Variants in GABRB3 observed in about 807,000 individuals in gnomAD.
GABRB3 encodes gamma-aminobutyric acid type A receptor subunit beta3.
GABRB3 carries 14 observed loss-of-function variants against 52.1 expected under a neutral mutation model. The observed-to-expected ratio is 0.27, with a 90% confidence interval of 0.18 to 0.42. The LOEUF is 0.42. Ranked by LOEUF, GABRB3 falls within the 10% of genes least tolerant of loss-of-function variation. The pLI is 1.00. For missense variants in GABRB3, 307 were observed against 609.1 expected, an observed-to-expected ratio of 0.50 and a Z score of 5.22; for synonymous variants, 260 against 232.3, an observed-to-expected ratio of 1.12 and a Z score of -1.08.
At chr15:26,772,272 G>T in intron 3 of GABRB3, 130 bp downstream of exon 3, 1 of 751,632 alleles carries the variant, frequency 1.3e-6, no homozygotes, top group South Asian at 1.8e-5. Context: ...GCCTGGGAGC[G>T]CGGCTCCCTC....
At chr15:26,709,060 A>C (rs901929068) in intron 3 of GABRB3, among the ~76,000 whole-genome samples, 2 of 152,236 alleles carry the variant, frequency 1.3e-5, no homozygotes, top group Non-Finnish European at 2.9e-5. Flanking sequence ...CCATAAAGCA[A>C]CTTATTGAGG....
At chr15:26,724,981 G>A (rs781306231) in intron 3 of GABRB3, among the ~76,000 whole-genome samples, 3 of 152,114 alleles carry the variant, frequency 2.0e-5, no homozygotes, top group Non-Finnish European at 4.4e-5. Flanking sequence ...AGTTGACACA[G>A]CCCATGGAGC....
At chr15:26,564,034 C>G (rs1377660138) in intron 7 of GABRB3, among the ~76,000 whole-genome samples, 1 of 152,096 alleles carries the variant, frequency 6.6e-6, no homozygotes, top group Non-Finnish European at 1.5e-5. Flanking sequence ...AGTATCAGTA[C>G]TTTTGCAGAT....
At chr15:26,611,836 A>C (rs1892081890) in intron 4 of GABRB3, 1 of 152,340 alleles carries the variant, frequency 6.6e-6, no homozygotes, top group Admixed American at 6.5e-5. Flanking sequence ...AAAGTAAATA[A>C]GAAATATTGT....
At chr15:26,628,049 C>T (rs919305051) in intron 3 of GABRB3, among the ~76,000 whole-genome samples, 1 of 152,220 alleles carries the variant, frequency 6.6e-6, no homozygotes, top group Non-Finnish European at 1.5e-5. Flanking sequence ...GCAAAAAGAT[C>T]ATGACTCACT....
chr15:26,676,692 C>T (rs1888079445), intron 3 of GABRB3, among the ~76,000 whole-genome samples: 1 of 152,180 alleles, frequency 6.6e-6, no homozygotes, highest in Non-Finnish European at 1.5e-5. Flanking sequence ...GCTTAAACAT[C>T]TCCATCAGGC....
intron 3 of GABRB3, among the ~76,000 whole-genome samples, chr15:26,704,292 C>T (rs1173039845): frequency 2.0e-4 from 31 of 152,180 alleles, no homozygotes; most frequent in Non-Finnish European, 4.4e-5. Context: ...GAAGTAAGTC[C>T]TGAGGTCCCA....
chr15:26,623,052 T>C (rs1468484642), intron 3 of GABRB3, among the ~76,000 whole-genome samples: 1 of 152,064 alleles, frequency 6.6e-6, no homozygotes, highest in Non-Finnish European at 1.5e-5. Context: ...TAATAACCTG[T>C]GGGGGCCCTC....
At chr15:26,617,275 C>A (rs2140528669) in intron 4 of GABRB3, among the ~76,000 whole-genome samples, 1 of 151,828 alleles carries the variant, frequency 6.6e-6, no homozygotes, top group Non-Finnish European at 1.5e-5. Context: ...TCCAGCAGCC[C>A]ATCATCCGAA....
intron 4 of GABRB3, among the ~76,000 whole-genome samples, chr15:26,607,608 CA>C (rs1035202501): frequency 1.1e-4 from 16 of 151,116 alleles, no homozygotes; most frequent in African/African-American, 3.7e-4. Flanking sequence ...CAAAACAAAA[CA>C]AAACAGTTAA....
chr15:26,618,454 G>A (rs1369455002), intron 4 of GABRB3, among the ~76,000 whole-genome samples: 2 of 152,012 alleles, frequency 1.3e-5, no homozygotes, highest in African/African-American at 4.8e-5. Context: ...GGGAAAACTG[G>A]CTAGCCATAT....
intron 3 of GABRB3, among the ~76,000 whole-genome samples, chr15:26,623,537 TTTTG>T (rs71420013): frequency 0.36 from 54,666 of 151,650 alleles, 10,519 homozygotes; most frequent in Middle Eastern, 0.47. Flanking sequence ...CAACCATCTC[TTTTG>T]TTTGTTTGTT....
At chr15:26,614,518 G>C (rs1319384383) in intron 4 of GABRB3, 1 of 152,066 alleles carries the variant, frequency 6.6e-6, no homozygotes, top group Non-Finnish European at 1.5e-5. Context: ...AGTGTAAATT[G>C]GCATAATCCC....
At chr15:26,626,525 T>C (rs1422641291) in intron 3 of GABRB3, among the ~76,000 whole-genome samples, 2 of 152,174 alleles carry the variant, frequency 1.3e-5, no homozygotes, top group African/African-American at 4.8e-5. Context: ...GTTAGCCCAA[T>C]TGTGAATGCA....
intron 7 of GABRB3, among the ~76,000 whole-genome samples, chr15:26,564,106 C>G (rs900765803): frequency 2.0e-5 from 3 of 152,042 alleles, no homozygotes; most frequent in Admixed American, 6.6e-5. Context: ...ACGTTTTGAG[C>G]ACCTCCATGG....
intron 3 of GABRB3, among the ~76,000 whole-genome samples, chr15:26,735,158 T>C (rs923281569): frequency 3.3e-5 from 5 of 152,216 alleles, no homozygotes; most frequent in African/African-American, 1.2e-4. Context: ...TCATTCATCA[T>C]TAGGGGACTA....
intron 3 of GABRB3, among the ~76,000 whole-genome samples, chr15:26,636,357 T>A (rs1893060901): frequency 6.6e-6 from 1 of 152,156 alleles, no homozygotes; most frequent in African/African-American, 2.4e-5. Context: ...TAGCTTGTAA[T>A]TAGGGCAAAA....
rs982703499 is a variant in GABRB3, at chr15:26,717,161, C to T, written c.240+55241G>A. On this transcript the variant is annotated intron_variant, in intron 3 of 8. Coordinates refer to ENST00000311550, the MANE Select transcript of GABRB3 (RefSeq NM_000814.6). ...AGCTCTGAGGACCTCCACCCAATGA[C>T]AGCCCAGCTCTGGGGACCTCCACCC... 4.7e-5 allele frequency among the ~76,000 whole-genome samples: 7 copies of T among 150,432 alleles called. 1 individual carries two copies. Among genetic ancestry groups the T allele is most frequent in the Admixed American group, 2.6e-4 (4 of 15,154 alleles).
intron 4 of GABRB3, among the ~76,000 whole-genome samples, chr15:26,586,706 G>A (rs866570757): frequency 0.047 from 2,085 of 44,516 alleles, 48 homozygotes; most frequent in African/African-American, 0.093. Flanking sequence ...AAAAAAAAAA[G>A]AGAGAGAGAG....
Sources: gnomAD v4.1 joint callset for allele counts (sites outside exome capture counted in the v4.1 genomes callset) on GRCh38, gnomAD v4.1.1 for gene constraint, MANE v1.5 for transcripts, NCBI Gene and HGNC (gene_info 2026-07-23, HGNC 2026-07-21) for gene names.